Variants in ADGRL2 observed in about 807,000 individuals in gnomAD.
ADGRL2 encodes adhesion G protein-coupled receptor L2.
Under a neutral mutation model 157.4 loss-of-function variants are expected in ADGRL2, and 44 were observed. That is an observed-to-expected ratio of 0.28 (90% CI 0.22 to 0.36). The LOEUF is 0.36. Among genes scored for constraint, ADGRL2 ranks in the 10% least tolerant of loss-of-function variants. ADGRL2 has a pLI of 1.00. For missense variants in ADGRL2, 1,510 were observed against 1,768.9 expected (o/e 0.85, Z 2.63); for synonymous variants, 585 against 624.7 (o/e 0.94, Z 0.95).
intron 1 of ADGRL2, among the ~76,000 whole-genome samples, chr1:81,836,489 G>T (rs1254185451): frequency 6.6e-6 from 1 of 152,086 alleles, no homozygotes; most frequent in Non-Finnish European, 1.5e-5. Context: ...GATCCTAGAA[G>T]CCGAGAAATA....
chr1:81,485,266 AT>A (rs1385177790), intron 2 of ADGRL2, among the ~76,000 whole-genome samples: 1 of 151,994 alleles, frequency 6.6e-6, no homozygotes, highest in Non-Finnish European at 1.5e-5. Context: ...AATTTTCAAG[AT>A]CAGAAAAATT....
intron 3 of ADGRL2, among the ~76,000 whole-genome samples, chr1:81,605,523 C>T (rs1464799575): frequency 6.6e-6 from 1 of 152,044 alleles, no homozygotes; most frequent in Non-Finnish European, 1.5e-5. Context: ...AAGTTGAGAC[C>T]CTTCTTCATC....
chr1:81,475,375 T>C (rs189079044), intron 2 of ADGRL2, among the ~76,000 whole-genome samples: 2 of 152,278 alleles, frequency 1.3e-5, no homozygotes, highest in African/African-American at 4.8e-5. Flanking sequence ...TGACAACTCT[T>C]CCTCTTTCTC....
chr1:81,442,817 A>G (rs1463023229), intron 1 of ADGRL2, among the ~76,000 whole-genome samples: 5 of 152,320 alleles, frequency 3.3e-5, no homozygotes, highest in African/African-American at 4.8e-5. Context: ...CCCATCTACC[A>G]TTTTAAGGCC....
rs140941263 is a variant in ADGRL2 at position 81,764,064 on chromosome 1, C to T, written c.-101+2212C>T. Among the ~76,000 whole-genome samples, 1,131 of 140,532 alleles carry T rather than the reference C, an allele frequency of 8.0e-3. 18 individuals are homozygous for T. Among genetic ancestry groups the T allele is most frequent in the African/African-American group, 0.029 (1,091 of 37,724 alleles). 92.2% of individuals were successfully genotyped at this position (140,532 alleles called of 152,430 possible). On this transcript the variant is annotated intron_variant, in intron 2 of 20. Transcript: ENST00000359929. ...AAAATTAGCCAGGCTTGGTGGCACA[C>T]GCCTGTAGTCCCAGCTACTTAGGAG...
At chr1:81,724,426 A>C (rs2133108) in intron 1 of ADGRL2, among the ~76,000 whole-genome samples, 14,087 of 152,280 alleles carry the variant, frequency 0.093, 757 homozygotes, top group Middle Eastern at 0.14. Context: ...TGAATTATAA[A>C]TGAGATAATC....
intron 3 of ADGRL2, among the ~76,000 whole-genome samples, chr1:81,657,922 T>C (rs1352489883): frequency 6.6e-6 from 1 of 152,174 alleles, no homozygotes; most frequent in Admixed American, 6.5e-5. Flanking sequence ...TTTACTGTTG[T>C]AAGGAGACGT....
chr1:81,757,982 A>G (rs975360991), intron 1 of ADGRL2, among the ~76,000 whole-genome samples: 1 of 152,190 alleles, frequency 6.6e-6, no homozygotes, highest in African/African-American at 2.4e-5. Flanking sequence ...AGGAACATAA[A>G]CTAGAACTTT....
chr1:81,796,549 C>A (rs1320792347), upstream of ADGRL2, among the ~76,000 whole-genome samples: 1 of 152,000 alleles, frequency 6.6e-6, no homozygotes, highest in Non-Finnish European at 1.5e-5. Context: ...CTCAGTGGAA[C>A]AATAATTATG....
At chr1:81,395,155 C>T (rs921127671) in intron 1 of ADGRL2, among the ~76,000 whole-genome samples, 2 of 152,206 alleles carry the variant, frequency 1.3e-5, no homozygotes, top group Non-Finnish European at 2.9e-5. Flanking sequence ...AAGTGATCCA[C>T]CCGCTTTGGC....
chr1:81,312,347 G>A (rs1378165292), intron 1 of ADGRL2, among the ~76,000 whole-genome samples: 3 of 152,210 alleles, frequency 2.0e-5, no homozygotes, highest in Non-Finnish European at 4.4e-5. Flanking sequence ...CAGCTTCCAA[G>A]TTACAATGAT....
chr1:81,682,775 A>C (rs909889000), intron 3 of ADGRL2, among the ~76,000 whole-genome samples: 7 of 152,194 alleles, frequency 4.6e-5, no homozygotes, highest in Non-Finnish European at 1.0e-4. Flanking sequence ...CTTTGCCTTT[A>C]TGGAAGTTCT....
At chr1:81,867,732 A>C (rs775144370) in intron 2 of ADGRL2, among the ~76,000 whole-genome samples, 18 of 152,206 alleles carry the variant, frequency 1.2e-4, no homozygotes, top group Non-Finnish European at 2.2e-4. Flanking sequence ...AAAGTCAAGA[A>C]TAAGTAATAT....
At chr1:81,617,720 C>G (rs1482199024) in intron 3 of ADGRL2, among the ~76,000 whole-genome samples, 3 of 152,328 alleles carry the variant, frequency 2.0e-5, no homozygotes, top group South Asian at 4.1e-4. Context: ...AGCTTGGATG[C>G]TATGTCAGTG....
chr1:81,726,542 G>A (rs1456953909), intron 1 of ADGRL2, among the ~76,000 whole-genome samples: 1 of 152,184 alleles, frequency 6.6e-6, no homozygotes, highest in Non-Finnish European at 1.5e-5. Flanking sequence ...CACTAGAGTT[G>A]AGAGTGCGGG....
chr1:81,847,916 T>TTTTGCCTAAGTATTAA (rs3838460), intron 2 of ADGRL2, among the ~76,000 whole-genome samples: 21,150 of 151,628 alleles, frequency 0.14, 1,604 homozygotes, highest in Admixed American at 0.22. Flanking sequence ...TAATTGTTGT[T>TTTTGCCTAAGTATTAA]TTTGCCTAAG....
chr1:81,374,291 C>A (rs917898939), intron 1 of ADGRL2, among the ~76,000 whole-genome samples: 2 of 149,778 alleles, frequency 1.3e-5, no homozygotes, highest in Non-Finnish European at 2.9e-5. Flanking sequence ...AAGCTGCCAA[C>A]CAGGCATGGT....
chr1:81,633,594 TC>T (rs1557522634), intron 3 of ADGRL2, among the ~76,000 whole-genome samples: 3 of 42,712 alleles, frequency 7.0e-5, no homozygotes, highest in Non-Finnish European at 5.1e-5. Context: ...AGACTCTGTC[TC>T]AAAAAAAAAA....
At chr1:81,886,667 A>G (rs1004256212) in intron 2 of ADGRL2, among the ~76,000 whole-genome samples, 1 of 152,202 alleles carries the variant, frequency 6.6e-6, no homozygotes, top group African/African-American at 2.4e-5. Context: ...CTACTTATTC[A>G]GCATTAATTA....
Sources: gnomAD v4.1 joint callset for allele counts (sites outside exome capture counted in the v4.1 genomes callset) on GRCh38, gnomAD v4.1.1 for gene constraint, MANE v1.5 for transcripts, NCBI Gene and HGNC (gene_info 2026-07-23, HGNC 2026-07-21) for gene names.